SATB1: variants seen among roughly 807,000 people sequenced by gnomAD.
SATB1 encodes the protein DNA-binding protein SATB1.
In SATB1, 11 loss-of-function variants were observed where a neutral mutation model predicts 86.9. That is an observed-to-expected ratio of 0.13 (90% confidence interval 0.08 to 0.21). The LOEUF (loss-of-function observed/expected upper bound fraction) is 0.21, where lower values mean the gene tolerates loss of function less well. Among genes scored for constraint, SATB1 ranks in the 10% least tolerant of loss-of-function variants. The pLI is 1.00. For missense variants in SATB1, 551 were observed against 937.6 expected, an observed-to-expected ratio of 0.59 and a Z score of 5.39; for synonymous variants, 357 against 357.2, an observed-to-expected ratio of 1.00 and a Z score of 0.01.
upstream of SATB1, among the ~76,000 whole-genome samples, chr3:18,441,184 C>T (rs1372356967): frequency 6.6e-6 from 1 of 152,134 alleles, no homozygotes; most frequent in Admixed American, 6.5e-5. Flanking sequence ...ATGATGATAT[C>T]CTTCCTAACA....
At position 18,349,797 on chromosome 3, in the gene SATB1, A is replaced by C. The variant is rs1694259063; in HGVS notation, c.1780-115T>G. The stretch of plus-strand genomic sequence containing the variant: ...CCTACATATAGCTTCTTTGATAGGG[A>C]TGAAGATTTAGAAAGAAAAGGTAGG... On this transcript the variant is annotated intron_variant, in intron 10 of 10. Transcript: ENST00000338745. The surrounding 1 kb of genome is among the most constrained non-coding windows in gnomAD (Gnocchi z 5.5). 6.9e-7 allele frequency: 1 copy of C among 1,439,096 alleles called. No homozygotes were observed. The highest frequency in any genetic ancestry group is 9.1e-7 in the Non-Finnish European group (1 of 1,099,948). The allele number at this position is 1,439,096 out of a possible 1,614,324, so 89.1% of individuals were successfully genotyped here.
intron 5 of SATB1, among the ~76,000 whole-genome samples, chr3:18,399,408 T>C (rs1266638067): frequency 6.6e-6 from 1 of 152,176 alleles, no homozygotes; most frequent in Non-Finnish European, 1.5e-5. Context: ...AAATAGATCA[T>C]CTCAATTTAA....
chr3:18,360,286 C>A (rs1306428197), intron 9 of SATB1, among the ~76,000 whole-genome samples: 1 of 152,122 alleles, frequency 6.6e-6, no homozygotes, highest in African/African-American at 2.4e-5. Flanking sequence ...GAGTGAGAAT[C>A]TTTACATTAG....
chr3:18,380,430 T>C (rs1373782589), intron 8 of SATB1, among the ~76,000 whole-genome samples: 1 of 150,716 alleles, frequency 6.6e-6, no homozygotes, highest in Non-Finnish European at 1.5e-5. Context: ...AAAAACTTCT[T>C]TGGTTAATTT....
chr3:18,395,244 A>G (rs1471857696), intron 6 of SATB1, among the ~76,000 whole-genome samples: 4 of 152,236 alleles, frequency 2.6e-5, no homozygotes, highest in African/African-American at 9.6e-5. Flanking sequence ...TCTAAGCAAC[A>G]ATTTTTAAAA....
intron 7 of SATB1, among the ~76,000 whole-genome samples, chr3:18,389,431 T>A (rs1167628725): frequency 1.3e-5 from 2 of 151,996 alleles, no homozygotes; most frequent in African/African-American, 2.4e-5. Flanking sequence ...ATCCCAGATA[T>A]GGGAATGTAT....
intron 5 of SATB1, among the ~76,000 whole-genome samples, chr3:18,413,794 T>G (rs963268447): frequency 6.6e-6 from 1 of 152,112 alleles, no homozygotes; most frequent in African/African-American, 2.4e-5. Context: ...CCTGTGGCTA[T>G]AGCTTATTTT....
chr3:18,376,903 T>C (rs1192113447), intron 9 of SATB1, among the ~76,000 whole-genome samples: 1 of 152,170 alleles, frequency 6.6e-6, no homozygotes, highest in Non-Finnish European at 1.5e-5. Flanking sequence ...AAACATATTA[T>C]TGTAGAAATT....
intron 2 of SATB1, among the ~76,000 whole-genome samples, chr3:18,419,989 G>C (rs1698306599): frequency 6.6e-6 from 1 of 152,118 alleles, no homozygotes; most frequent in Non-Finnish European, 1.5e-5. Flanking sequence ...CCATTGCTTA[G>C]CAAATGTAAG....
At chr3:18,428,302 C>T (rs529372128), upstream of SATB1, among the ~76,000 whole-genome samples, 1 of 152,050 alleles carries the variant, frequency 6.6e-6, no homozygotes, top group Non-Finnish European at 1.5e-5. Flanking sequence ...GCCAACAGTC[C>T]CACTCCCATG....
At chr3:18,382,260 G>T (rs562274396) in intron 8 of SATB1, among the ~76,000 whole-genome samples, 1 of 152,126 alleles carries the variant, frequency 6.6e-6, no homozygotes, top group South Asian at 2.1e-4. Flanking sequence ...ATAAAGAGAT[G>T]TAAAAAATGA....
chr3:18,349,566 G>A lies in SATB1; in HGVS notation c.1896C>T (p.Ala632=), dbSNP rs1207264469. The change falls in exon 11 of 11, where the codon GCC becomes GCT. Residue 632 remains alanine, a synonymous_variant. Transcript: ENST00000338745. The surrounding 1 kb of genome is among the most constrained non-coding windows in gnomAD (Gnocchi z 5.5). ...PRLPPRQPTV[A]SPAESDEENR... is the part of the protein sequence containing the mutation. The stretch of plus-strand genomic sequence containing the variant: ...TTTCCTCATCTGACTCTGCTGGAGA[G>A]GCCACCGTGGGTTGCCGTGGGGGGA... The A allele has an allele frequency of 1.9e-6, 3 of 1,613,948 alleles. No homozygotes were observed. Among genetic ancestry groups the A allele is most frequent in the Non-Finnish European group, 2.5e-6 (3 of 1,180,010 alleles).
At chr3:18,414,851 AT>A (rs1175123006) in intron 5 of SATB1, 2 of 343,316 alleles carry the variant, frequency 5.8e-6, no homozygotes, top group Non-Finnish European at 1.1e-5. Flanking sequence ...AAATCTAAAA[AT>A]TAGCCAGCGG....
At chr3:18,425,939 A>C (rs1698682552), upstream of SATB1, among the ~76,000 whole-genome samples, 1 of 152,030 alleles carries the variant, frequency 6.6e-6, no homozygotes, top group Non-Finnish European at 1.5e-5. Flanking sequence ...AAAAGCCACA[A>C]AAAGGAGTAC....
chr3:18,393,766 T>C (rs1696812926), intron 7 of SATB1, among the ~76,000 whole-genome samples: 1 of 152,194 alleles, frequency 6.6e-6, no homozygotes, highest in African/African-American at 2.4e-5. Context: ...TACTCTACAG[T>C]GTGACCGAGA....
At chr3:18,445,102 G>C in intron 1 of SATB1, 1 of 579,408 alleles carries the variant, frequency 1.7e-6, no homozygotes, top group Non-Finnish European at 2.2e-6. Context: ...GGCACGCTGC[G>C]CCCGGGGGCT....
rs1694187693 is a variant in SATB1 at position 18,348,724 on chromosome 3, CTCTTTTTTT to C, written c.*437_*445del. On this transcript the variant is annotated 3_prime_UTR_variant, in exon 11 of 11. Transcript: ENST00000338745. The stretch of plus-strand genomic sequence containing the variant: ...TTGTAACATACAATAGAGTAACAAA[CTCTTTTTTT>C]TCTTTTTTTTTTTTAAATAAGGGGC... 3 of 160,452 alleles carry C rather than the reference CTCTTTTTTT, an allele frequency of 1.9e-5. No individual in the cohort carries two copies. The highest frequency in any genetic ancestry group is 4.9e-5 in the African/African-American group (2 of 41,224). 9.9% of individuals were successfully genotyped at this position (160,452 alleles called of 1,614,324 possible).
rs1303317030 is a variant in SATB1, at chr3:18,394,175, T to G, written c.1206+287A>C. On this transcript the variant is annotated intron_variant, in intron 7 of 10. Coordinates refer to ENST00000338745, the MANE Select transcript of SATB1 (RefSeq NM_002971.6). This position sits in a 1 kb window ranked among gnomAD's most constrained non-coding sequence, Gnocchi z 5.9. ...CATCTACTATAGCTTATGATTCCAT[T>G]ATATAAAAGCATAAGTAATGCCAGT... Among the ~76,000 whole-genome samples, 6 of 152,214 alleles carry G rather than the reference T, an allele frequency of 3.9e-5. No individual in the cohort carries two copies. The highest frequency in any genetic ancestry group is 6.5e-5 in the Admixed American group (1 of 15,276).
intron 7 of SATB1, among the ~76,000 whole-genome samples, chr3:18,393,705 G>T (rs769641261): frequency 2.0e-5 from 3 of 152,118 alleles, no homozygotes; most frequent in Non-Finnish European, 4.4e-5. Flanking sequence ...TAGTTTTACT[G>T]AAATACTACC....
Sources: gnomAD v4.1 joint callset for allele counts (sites outside exome capture counted in the v4.1 genomes callset) on GRCh38, gnomAD v4.1.1 for gene constraint, Gnocchi (gnomAD v3.1) non-coding constraint, MANE v1.5 for transcripts, NCBI Gene and HGNC (gene_info 2026-07-23, HGNC 2026-07-21) for gene names.